GIN1: variants seen among roughly 807,000 people sequenced by gnomAD.
GIN1 encodes the protein gypsy retrotransposon integrase-like protein 1.
GIN1 carries 41 observed loss-of-function variants against 51.4 expected under a neutral mutation model. The ratio of observed to expected loss-of-function variants is 0.80; its 90% CI spans 0.62 to 1.04. The LOEUF (loss-of-function observed/expected upper bound fraction) is 1.04, where lower values mean the gene tolerates loss of function less well. GIN1 is among the 50% of genes least tolerant of loss of function. The probability of loss-of-function intolerance (pLI) is 0.00; values close to 1 mark genes in which losing one functional copy is unlikely to be tolerated. For synonymous variants in GIN1, 222 were observed against 206.5 expected (o/e 1.07, Z -0.64); for missense variants, 610 against 612.4 (o/e 1.00, Z 0.04).
At chr5:103,119,742 C>G (rs1452461209) in intron 1 of GIN1, among the ~76,000 whole-genome samples, 1 of 152,098 alleles carries the variant, frequency 6.6e-6, no homozygotes, top group Non-Finnish European at 1.5e-5. Flanking sequence ...AAGCTTTGGG[C>G]GACTCGTTAA....
intron 4 of GIN1, among the ~76,000 whole-genome samples, chr5:103,099,624 C>A (rs1412779705): frequency 6.6e-6 from 1 of 152,136 alleles, no homozygotes; most frequent in Non-Finnish European, 1.5e-5. Context: ...TCCAGGGAAT[C>A]CATTTGTGAA....
At position 103,106,916 on chromosome 5, in the gene GIN1, T is replaced by A. The variant is rs974013301; in HGVS notation, c.140-7A>T. Reference sequence around the variant, plus strand: ...ACATAAAACAGCTTTTTTTCTGGAATAAATGATACCAAAAGATAGAATTGC... The same window carrying A: ...ACATAAAACAGCTTTTTTTCTGGAAAAAATGATACCAAAAGATAGAATTGC... On this transcript the variant is annotated splice_region_variant and splice_polypyrimidine_tract_variant and intron_variant, in intron 2 of 7. Coordinates refer to ENST00000399004, the MANE Select transcript of GIN1 (RefSeq NM_017676.2). The A allele has an allele frequency of 3.4e-6, 5 of 1,479,346 alleles. No homozygotes were observed. Among genetic ancestry groups the A allele is most frequent in the African/African-American group, 1.4e-5 (1 of 70,380 alleles). The allele number at this position is 1,479,346 out of a possible 1,614,324, so 91.6% of individuals were successfully genotyped here.
At chr5:103,097,956 C>G (rs1554195350) in intron 4 of GIN1, among the ~76,000 whole-genome samples, 175 bp from the exon 5 acceptor site, 3 of 152,120 alleles carry the variant, frequency 2.0e-5, no homozygotes, top group African/African-American at 7.2e-5. Flanking sequence ...AATCTCGGCT[C>G]ACTGCAACCT....
At chr5:103,110,114 A>G (rs1358415972) in intron 1 of GIN1, among the ~76,000 whole-genome samples, 4 of 152,044 alleles carry the variant, frequency 2.6e-5, no homozygotes, top group African/African-American at 4.8e-5. Context: ...CTTAAATGTG[A>G]AAGATAAATA....
rs1268424031 is a variant in GIN1, at chr5:103,086,350, G to T, written c.*1548C>A. On this transcript the variant is annotated 3_prime_UTR_variant, in exon 8 of 8. Transcript: ENST00000399004. ...ATAAGGTCACATTTTGAGGTGGTGG[G>T]GGTTAAGACTTCAACACAAATTTTG... 6.6e-6 allele frequency: 1 copy of T among 152,080 alleles called. No homozygotes were observed. The allele number at this position is 152,080 out of a possible 1,614,324, so 9.4% of individuals were successfully genotyped here. A position where few individuals can be genotyped will look rare whatever the true frequency, so the allele number is the denominator to read the frequency against.
intron 4 of GIN1, chr5:103,102,337 GT>G (rs1787597778): frequency 6.6e-6 from 1 of 152,090 alleles, no homozygotes; most frequent in Non-Finnish European, 1.5e-5. Context: ...ACCAAACTTT[GT>G]GCCAAGTTGC....
chr5:103,097,728 G>T lies in GIN1; in HGVS notation c.693C>A (p.His231Gln). The change falls in exon 5 of 8, where the codon CAC becomes CAA. Residue 231 changes from histidine to glutamine, a missense_variant. Transcript: ENST00000399004. The stretch of plus-strand genomic sequence containing the variant: ...CCGTTGGGTTAACAGTTCCAGAGGT[G>T]TGAGAAATTACAATTTGCTTTATGC... ...LFGIKQIVIS[H>Q]TSGTVNPTES... 1 of 1,588,256 alleles carries T rather than the reference G, an allele frequency of 6.3e-7. No homozygotes were observed. The highest frequency in any genetic ancestry group is 8.6e-7 in the Non-Finnish European group (1 of 1,156,422).
Position 103,096,628 on chromosome 5 carries a change from C to A in GIN1, c.1207G>T (p.Val403Phe), listed in dbSNP as rs565710282. ...CTAACCCCAGTGTTGTCTCTCAGGACAGCACATCCACTTTCTGTAATATAG... is the reference window on the plus strand; with the variant it reads ...CTAACCCCAGTGTTGTCTCTCAGGAAAGCACATCCACTTTCTGTAATATAG... ...IDYITESGCA[V>F]LRDNTGVRLK... Residue 403 changes from valine (V) to phenylalanine (F), a missense_variant, in exon 7 of 8, where the codon GTC (valine) becomes TTC (phenylalanine). By Grantham distance (50) the Val-to-Phe change is conservative. Coordinates refer to ENST00000399004, the MANE Select transcript of GIN1 (RefSeq NM_017676.2). The A allele has an allele frequency of 1.2e-6, 2 of 1,613,442 alleles. No homozygotes were observed. The highest frequency in any genetic ancestry group is 3.3e-5 in the Admixed American group (2 of 60,026).
At chr5:103,099,466 G>T (rs1787507284) in intron 4 of GIN1, among the ~76,000 whole-genome samples, 1 of 151,900 alleles carries the variant, frequency 6.6e-6, no homozygotes, top group South Asian at 2.1e-4. Flanking sequence ...ACTAATTCAG[G>T]GTGACTATTT....
At chr5:103,088,877 A>C (rs1352052431) in intron 7 of GIN1, among the ~76,000 whole-genome samples, 3 of 152,254 alleles carry the variant, frequency 2.0e-5, no homozygotes, top group Non-Finnish European at 4.4e-5. Context: ...TAATAGGGTC[A>C]TATAATTATT....
At chr5:103,089,275 T>TA (rs1273615924) in intron 7 of GIN1, among the ~76,000 whole-genome samples, 1 of 152,210 alleles carries the variant, frequency 6.6e-6, no homozygotes, top group Non-Finnish European at 1.5e-5. Flanking sequence ...CTAATATGTA[T>TA]AAAAGGATTC....
In GIN1 at chr5:103,108,798, A is replaced by G; in HGVS notation, c.-7-84T>C. The G allele has an allele frequency of 3.5e-6, 3 of 863,550 alleles. No homozygotes were observed. The Admixed American group carries it at 7.5e-5, about 21-fold the overall frequency. The allele number at this position is 863,550 out of a possible 1,614,324, so 53.5% of individuals were successfully genotyped here. On this transcript the variant is annotated intron_variant, in intron 1 of 7. Transcript: ENST00000399004. ...CAGTTAAGACTTCTGTCATATTTCT[A>G]TTTACATATGAACCGAGAATTCCCA...
Position 103,104,826 on chromosome 5 carries a change from G to C in GIN1, c.354C>G (p.Cys118Trp), listed in dbSNP as rs1554196126. Residue 118 changes from cysteine to tryptophan, a missense_variant, in exon 4 of 8, where the codon TGC becomes TGG. Cys to Trp is a radical substitution (Grantham distance 215, BLOSUM62 -2). Coordinates refer to ENST00000399004, the MANE Select transcript of GIN1 (RefSeq NM_017676.2). ...CAATAACTGTATTTTTTGCCACTTG[G>C]CAATGCTGACAAGCATATACCTACA... is the stretch of plus-strand genomic sequence containing the variant. ...VKQWVYACQHCQVAKNTVIVA... is the reference protein window; with the variant it reads ...VKQWVYACQHWQVAKNTVIVA... 6.2e-7 allele frequency: 1 copy of C among 1,603,996 alleles called. No individual in the cohort carries two copies. The highest frequency in any genetic ancestry group is 8.5e-7 in the Non-Finnish European group (1 of 1,173,396).
At chr5:103,094,608 C>A (rs1787340920) in intron 7 of GIN1, among the ~76,000 whole-genome samples, 2 of 151,976 alleles carry the variant, frequency 1.3e-5, no homozygotes, top group South Asian at 4.1e-4. Context: ...TTGACAAGAA[C>A]AAATTACAAA....
Position 103,087,561 on chromosome 5 carries a change from T to G in GIN1, c.*337A>C, listed in dbSNP as rs1787109710. ...ACTTACTGTTTAAATGGTAGAGAATTTCAGAAAATTTAAAACTTAGAAACG... is the reference window on the plus strand; with the variant it reads ...ACTTACTGTTTAAATGGTAGAGAATGTCAGAAAATTTAAAACTTAGAAACG... On this transcript the variant is annotated 3_prime_UTR_variant, in exon 8 of 8. Transcript: ENST00000399004. The G allele has an allele frequency of 6.1e-6, 1 of 164,224 alleles. No individual in the cohort carries two copies. The allele number at this position is 164,224 out of a possible 1,614,324, so 10.2% of individuals were successfully genotyped here. A position where few individuals can be genotyped will look rare whatever the true frequency, so the allele number is the denominator to read the frequency against.
chr5:103,092,945 C>CAAAAAAAAAAAAAAA (rs5870040), intron 7 of GIN1, among the ~76,000 whole-genome samples: 3 of 60,470 alleles, frequency 5.0e-5, no homozygotes, highest in East Asian at 5.7e-4. Context: ...GAACCTGTCT[C>CAAAAAAAAAAAAAAA]AAAAAAAAAA....
chr5:103,114,515 A>G (rs1787973050), intron 1 of GIN1, among the ~76,000 whole-genome samples: 1 of 152,250 alleles, frequency 6.6e-6, no homozygotes, highest in African/African-American at 2.4e-5. Flanking sequence ...TGAACTCGGC[A>G]TGTAAAAAGT....
chr5:103,109,351 A>T (rs1316893040), intron 1 of GIN1, among the ~76,000 whole-genome samples: 2 of 152,090 alleles, frequency 1.3e-5, no homozygotes, highest in African/African-American at 4.8e-5. Context: ...TTGAAATTAC[A>T]TTTAAAAAAA....
chr5:103,112,531 T>A (rs1357295859), intron 1 of GIN1, among the ~76,000 whole-genome samples: 1 of 152,168 alleles, frequency 6.6e-6, no homozygotes, highest in African/African-American at 2.4e-5. Context: ...GCTTCTTCTC[T>A]CACTACTTTC....
Sources: gnomAD v4.1 joint callset for allele counts (sites outside exome capture counted in the v4.1 genomes callset) on GRCh38, gnomAD v4.1.1 for gene constraint, MANE v1.5 for transcripts, NCBI Gene and HGNC (gene_info 2026-07-23, HGNC 2026-07-21) for gene names.